Variants in NUP98 observed in about 807,000 individuals in gnomAD.
The protein encoded by NUP98 is nuclear pore complex protein Nup98-Nup96.
In NUP98, 26 loss-of-function variants were observed where a neutral mutation model predicts 191.9. The observed-to-expected ratio is 0.14, with a 90% CI of 0.10 to 0.19. The LOEUF (loss-of-function observed/expected upper bound fraction) is 0.19, where lower values mean the gene tolerates loss of function less well. Ranked by LOEUF, NUP98 falls within the 10% of genes least tolerant of loss-of-function variation. The pLI, the probability that NUP98 is intolerant of heterozygous loss-of-function variation, is 1.00. For missense variants in NUP98, 1,941 were observed against 2,178.8 expected (o/e 0.89, Z 2.17); for synonymous variants, 808 against 778.4 (o/e 1.04, Z -0.63).
At chr11:3,685,940 T>G in intron 29 of NUP98, 33 bp downstream of exon 29, 4 of 1,552,918 alleles carry the variant, frequency 2.6e-6, no homozygotes, top group Non-Finnish European at 3.6e-6. Context: ...TAGTGCTAGA[T>G]GTACCCAGTG....
chr11:3,702,482 T>C lies in NUP98; in HGVS notation c.3493A>G (p.Asn1165Asp). ...ADSMEFGFLP[N>D]PVAVKPLTES... ...ACTCACGGTTTAACAGCTACTGGAT[T>C]GGGCAGGAATCCAAACTCCATGGAA... The change falls in exon 23 of 33, where the codon AAT (asparagine) becomes GAT (aspartate). Residue 1165 changes from asparagine to aspartate, a missense_variant. Physicochemically the swap from Asn to Asp is conservative, Grantham distance 23. Coordinates refer to ENST00000324932, the MANE Select transcript of NUP98 (RefSeq NM_016320.5). 1 of 1,613,838 alleles carries C rather than the reference T, an allele frequency of 6.2e-7. No individual in the cohort carries two copies. The highest frequency in any genetic ancestry group is 8.5e-7 in the Non-Finnish European group (1 of 1,179,828).
intron 11 of NUP98, among the ~76,000 whole-genome samples, chr11:3,749,586 T>C (rs1301924863): frequency 1.3e-5 from 2 of 152,136 alleles, no homozygotes; most frequent in African/African-American, 4.8e-5. Context: ...GATCACACCA[T>C]TGTACTCCAG....
At chr11:3,726,538 AAAGAC>A (rs2079625948) in intron 14 of NUP98, among the ~76,000 whole-genome samples, 1 of 151,596 alleles carries the variant, frequency 6.6e-6, no homozygotes, top group African/African-American at 2.4e-5. Flanking sequence ...AAAAAAAAAA[AAAGAC>A]AAGGGTATTT....
Position 3,724,780 on chromosome 11 carries a change from C to CAAA in NUP98, c.1847+320_1847+322dup, listed in dbSNP as rs71041382. On this transcript the variant is annotated intron_variant, in intron 15 of 32. Transcript: ENST00000324932. ...TGGGCGACAGAGTGAGACTCTGTCT[C>CAAA]AAAAAAAAAAAAGAAAGAAAATCAT... Among the ~76,000 whole-genome samples, 9 of 80,166 alleles carry CAAA rather than the reference C, an allele frequency of 1.1e-4. 1 individual carries two copies. Among genetic ancestry groups the CAAA allele is most frequent in the Non-Finnish European group, 1.9e-4 (8 of 41,056 alleles). 52.6% of individuals were successfully genotyped at this position (80,166 alleles called of 152,430 possible). A position where few individuals can be genotyped will look rare whatever the true frequency, so the allele number is the denominator to read the frequency against.
chr11:3,712,519 C>T (rs1448941026), intron 20 of NUP98, 45 bp downstream of exon 20: 5 of 1,606,096 alleles, frequency 3.1e-6, no homozygotes, highest in Non-Finnish European at 4.3e-6. Flanking sequence ...CTTTCAACTT[C>T]GGTATCACGG....
intron 23 of NUP98, 93 bp downstream of exon 23, chr11:3,702,356 CTCTCTCTCTCTCTA>C (rs1250689427): frequency 1.9e-5 from 11 of 582,218 alleles, no homozygotes; most frequent in Admixed American, 8.3e-5. Flanking sequence ...CTCTCTCTCT[CTCTCTCTCTCTCTA>C]GAAAGATGAC....
At chr11:3,683,509 A>T (rs1428851670) in intron 29 of NUP98, 68 bp from the exon 30 acceptor site, 11 of 1,563,088 alleles carry the variant, frequency 7.0e-6, no homozygotes, top group African/African-American at 1.4e-5. Flanking sequence ...CAGGCAGCTT[A>T]GAGTGGCCCT....
chr11:3,735,131 C>A, intron 13 of NUP98, 60 bp downstream of exon 13: 1 of 1,455,220 alleles, frequency 6.9e-7, no homozygotes, highest in Non-Finnish European at 9.1e-7. Flanking sequence ...AAATTACATT[C>A]TGCACATTCA....
chr11:3,703,283 C>T (rs2134121709), intron 22 of NUP98, among the ~76,000 whole-genome samples: 1 of 147,846 alleles, frequency 6.8e-6, no homozygotes, highest in South Asian at 2.1e-4. Context: ...GTGGCATGAT[C>T]TTGGCTCACT....
In NUP98 at chr11:3,683,427, G is replaced by A; in HGVS notation, c.4691C>T (p.Ala1564Val). 1 of 1,614,154 alleles carries A rather than the reference G, an allele frequency of 6.2e-7. No homozygotes were observed. The highest frequency in any genetic ancestry group is 1.1e-5 in the South Asian group (1 of 91,080). ...HIDNSGIREK[A>V]VRELLTRHCQ... ...GTGCCGGGTAAGCAGCTCTCGAACAGCCTTCTCACGTATGCTACAGGGAGA... is the reference window on the plus strand; with the variant it reads ...GTGCCGGGTAAGCAGCTCTCGAACAACCTTCTCACGTATGCTACAGGGAGA... The change falls in exon 30 of 33, where the codon GCT becomes GTT. Residue 1564 changes from alanine (A) to valine (V), a missense_variant. Ala to Val is a moderately conservative substitution (Grantham distance 64). Around this residue, in one of 6 missense-constraint regions of NUP98, gnomAD observed 1,030 missense variants for 1,115.8 expected, o/e 0.92. Coordinates refer to ENST00000324932, the MANE Select transcript of NUP98 (RefSeq NM_016320.5).
At chr11:3,705,062 T>C (rs1179174046) in intron 22 of NUP98, 138 bp downstream of exon 22, 18 of 781,326 alleles carry the variant, frequency 2.3e-5, no homozygotes, top group South Asian at 2.0e-4. Context: ...CAATTTCTCT[T>C]AGCACCCTTA....
rs1171138743 is a variant in NUP98 at position 3,731,542 on chromosome 11, G to C, written c.1579C>G (p.Leu527Val). Residue 527 changes from leucine (L) to valine (V), a missense_variant, in exon 14 of 33, where the codon CTT (leucine) becomes GTT (valine). Around this residue, in one of 6 missense-constraint regions of NUP98, gnomAD observed 453 missense variants for 438.2 expected, o/e 1.03. Transcript: ENST00000324932. ...AGTTTATAATGAGTAGGTGTAGTAA[G>C]AGCCTTCTGGGCTGCTGGATTTGTT... ...KPTNPAAQKA[L>V]TTPTHYKLTP... 13 of 1,596,318 alleles carry C rather than the reference G, an allele frequency of 8.1e-6. No homozygotes were observed. Among genetic ancestry groups the C allele is most frequent in the Middle Eastern group, 1.7e-4 (1 of 5,944 alleles).
intron 28 of NUP98, among the ~76,000 whole-genome samples, chr11:3,687,440 C>T (rs1022368946): frequency 4.6e-5 from 7 of 152,146 alleles, no homozygotes; most frequent in African/African-American, 1.7e-4. Context: ...TATTTAGTGT[C>T]CACCTAAGAA....
chr11:3,700,414 A>G (rs2078641499), intron 24 of NUP98, among the ~76,000 whole-genome samples, 196 bp downstream of exon 24: 1 of 152,212 alleles, frequency 6.6e-6, no homozygotes, highest in Non-Finnish European at 1.5e-5. Flanking sequence ...ATTAATGGGT[A>G]AAAGAACAAA....
intron 7 of NUP98, 36 bp from the exon 8 acceptor site, chr11:3,768,780 T>C (rs567352658): frequency 6.8e-7 from 1 of 1,463,784 alleles, no homozygotes; most frequent in Non-Finnish European, 9.1e-7. Flanking sequence ...AAAAAAGAAA[T>C]AATAAAAAAA....
At chr11:3,751,992 A>G (rs1195606343) in intron 11 of NUP98, among the ~76,000 whole-genome samples, 1 of 151,852 alleles carries the variant, frequency 6.6e-6, no homozygotes, top group South Asian at 2.1e-4. Flanking sequence ...CCTGGCCAAC[A>G]TGGGGAAACC....
intron 11 of NUP98, among the ~76,000 whole-genome samples, chr11:3,749,463 T>TA (rs1239920649): frequency 6.6e-6 from 1 of 151,426 alleles, no homozygotes; most frequent in Non-Finnish European, 1.5e-5. Flanking sequence ...CATCTCTAAC[T>TA]AAAAAAATAC....
chr11:3,679,501 T>C, intron 31 of NUP98, 53 bp downstream of exon 31: 1 of 1,605,844 alleles, frequency 6.2e-7, no homozygotes, highest in Non-Finnish European at 8.5e-7. Context: ...TATCTGAAGA[T>C]TTAAGGGCCT....
chr11:3,702,407 G>C, intron 23 of NUP98, 56 bp downstream of exon 23: 1 of 1,359,758 alleles, frequency 7.4e-7, no homozygotes, highest in Non-Finnish European at 1.0e-6. Context: ...CTCCTGATTA[G>C]TTTTTTTCAC....
Sources: allele counts gnomAD v4.1 joint callset (sites outside exome capture counted in the v4.1 genomes callset), GRCh38; gene constraint gnomAD v4.1.1; regional missense constraint gnomAD v4.1.1; transcripts MANE v1.5; gene names NCBI Gene and HGNC (gene_info 2026-07-23, HGNC 2026-07-21).